PARD3: variants seen among roughly 807,000 people sequenced by gnomAD.
PARD3 encodes the protein par-3 family cell polarity regulator.
PARD3 carries 75 observed loss-of-function variants against 155.4 expected under a neutral mutation model. That is an observed-to-expected ratio of 0.48 (90% CI 0.40 to 0.58). The LOEUF is 0.58. Among genes scored for constraint, PARD3 ranks in the 20% least tolerant of loss-of-function variants. PARD3 has a pLI of 0.00. For synonymous variants in PARD3, 576 were observed against 610.5 expected, an observed-to-expected ratio of 0.94 and a Z score of 0.83; for missense variants, 1,642 against 1,721.7, an observed-to-expected ratio of 0.95 and a Z score of 0.82.
At chr10:34,501,162 C>A (rs1329090578) in intron 3 of PARD3, among the ~76,000 whole-genome samples, 1 of 152,074 alleles carries the variant, frequency 6.6e-6, no homozygotes, top group Admixed American at 6.6e-5. Context: ...TGCCCCCTGC[C>A]CAAATTTCAT....
At chr10:34,725,103 CTTTGTGTG>C (rs1199728237) in intron 1 of PARD3, among the ~76,000 whole-genome samples, 38 of 109,630 alleles carry the variant, frequency 3.5e-4, no homozygotes, top group African/African-American at 1.2e-3. Flanking sequence ...TGAGTCAAAA[CTTTGTGTG>C]TGTGTGTGTG....
intron 1 of PARD3, among the ~76,000 whole-genome samples, 193 bp downstream of exon 1, chr10:34,814,683 G>A (rs542071788): frequency 6.6e-6 from 1 of 151,808 alleles, no homozygotes; most frequent in Admixed American, 6.6e-5. Flanking sequence ...TGTCCCAGAG[G>A]CTGCGCCCCG....
At chr10:34,346,154 A>G in intron 15 of PARD3, 1 of 1,066,650 alleles carries the variant, frequency 9.4e-7, no homozygotes, top group Non-Finnish European at 1.1e-6. Flanking sequence ...TTAAGAGTTC[A>G]GTACATATCT....
At chr10:34,190,746 C>T (rs1212172842) in intron 22 of PARD3, among the ~76,000 whole-genome samples, 3 of 152,016 alleles carry the variant, frequency 2.0e-5, no homozygotes, top group African/African-American at 4.8e-5. Context: ...CAAAAGAGAG[C>T]GTGACAAATT....
At chr10:34,186,943 A>C (rs1270526671) in intron 22 of PARD3, among the ~76,000 whole-genome samples, 2 of 152,132 alleles carry the variant, frequency 1.3e-5, no homozygotes, top group African/African-American at 4.8e-5. Flanking sequence ...TGCCTACTGA[A>C]TTCGCTCCTC....
chr10:34,592,692 C>T (rs2088828189), intron 2 of PARD3, among the ~76,000 whole-genome samples: 1 of 152,224 alleles, frequency 6.6e-6, no homozygotes, highest in African/African-American at 2.4e-5. Flanking sequence ...AGGAGAATTG[C>T]TTGAACCCGG....
At chr10:34,576,978 T>C (rs111285174) in intron 2 of PARD3, among the ~76,000 whole-genome samples, 32 of 152,262 alleles carry the variant, frequency 2.1e-4, no homozygotes, top group Admixed American at 5.9e-4. Flanking sequence ...ACAGCACAGA[T>C]TGATAATTCC....
rs577992610 is a variant in PARD3 at position 34,402,831 on chromosome 10, G to A, written c.715-914C>T. On this transcript the variant is annotated intron_variant, in intron 5 of 24. Transcript: ENST00000374788. Reference sequence around the variant, plus strand: ...TCAAAAAGGTGCATGTGGAATAAACGTGGTAGTTCACAAAAATAAATGAAA... The same window carrying A: ...TCAAAAAGGTGCATGTGGAATAAACATGGTAGTTCACAAAAATAAATGAAA... Among the ~76,000 whole-genome samples the A allele has an allele frequency of 3.3e-5, 5 of 152,248 alleles. 1 individual carries two copies. The South Asian group carries it at 6.2e-4, about 19-fold the overall frequency.
At chr10:34,772,051 C>G (rs149196723) in intron 1 of PARD3, among the ~76,000 whole-genome samples, 7 of 152,194 alleles carry the variant, frequency 4.6e-5, no homozygotes, top group Non-Finnish European at 7.3e-5. Context: ...GCCCAACAAG[C>G]AGAATGCAAG....
At chr10:34,529,741 C>CTT (rs34318724) in intron 2 of PARD3, among the ~76,000 whole-genome samples, 112 of 149,872 alleles carry the variant, frequency 7.5e-4, no homozygotes, top group Admixed American at 3.5e-3. Context: ...TTTTACTTTA[C>CTT]TTTTTTTTTT....
Position 34,283,487 on chromosome 10 carries a change from G to A in PARD3, c.3176+648C>T, listed in dbSNP as rs77534166. Among the ~76,000 whole-genome samples the A allele has an allele frequency of 3.4e-3, 520 of 152,210 alleles. 1 individual carries two copies. The highest frequency in any genetic ancestry group is 5.8e-3 in the Non-Finnish European group (394 of 67,978). ...CTAATCACTTAGAAAAACGGTTTTCGAGTGCCTGCTTAGAGTAACTCTTTT... is the reference window on the plus strand; with the variant it reads ...CTAATCACTTAGAAAAACGGTTTTCAAGTGCCTGCTTAGAGTAACTCTTTT... On this transcript the variant is annotated intron_variant, in intron 21 of 24. Coordinates refer to ENST00000374788, the MANE Select transcript of PARD3 (RefSeq NM_001184785.2).
intron 19 of PARD3, among the ~76,000 whole-genome samples, chr10:34,322,132 G>A (rs912459822): frequency 1.3e-5 from 2 of 152,164 alleles, no homozygotes; most frequent in African/African-American, 4.8e-5. Context: ...TACCCCTGCA[G>A]ACTTGCCAGT....
At chr10:34,245,189 C>A (rs1195417738) in intron 22 of PARD3, among the ~76,000 whole-genome samples, 3 of 152,164 alleles carry the variant, frequency 2.0e-5, no homozygotes, top group African/African-American at 4.8e-5. Context: ...TTCATTCCAA[C>A]TAAAAGTACT....
At chr10:34,275,715 T>C (rs1209518267) in intron 21 of PARD3, among the ~76,000 whole-genome samples, 2 of 152,192 alleles carry the variant, frequency 1.3e-5, no homozygotes, top group Non-Finnish European at 2.9e-5. Flanking sequence ...ACATGTTTGG[T>C]GTCCTCATAA....
chr10:34,620,254 A>G (rs2091564993), intron 2 of PARD3, among the ~76,000 whole-genome samples: 1 of 151,620 alleles, frequency 6.6e-6, no homozygotes, highest in Non-Finnish European at 1.5e-5. Flanking sequence ...TATGACTCCT[A>G]CTCCTCCACT....
intron 2 of PARD3, among the ~76,000 whole-genome samples, chr10:34,680,572 GA>G (rs2093794140): frequency 1.4e-5 from 2 of 142,778 alleles, no homozygotes; most frequent in Non-Finnish European, 3.1e-5. Flanking sequence ...AAAAAAAAAT[GA>G]GGGGAGGGGA....
rs1402574291 is a variant in PARD3 at position 34,620,206 on chromosome 10, TA to T, written c.222+76111del. On this transcript the variant is annotated intron_variant, in intron 2 of 24. Transcript: ENST00000374788. Reference sequence around the variant, plus strand: ...TTCTTGCTCCCAAATGCCACCAATTTATTCAGAAGACATCACCCACCTCCCT... The same window carrying T: ...TTCTTGCTCCCAAATGCCACCAATTTTTCAGAAGACATCACCCACCTCCCT... 5.9e-5 allele frequency among the ~76,000 whole-genome samples: 9 copies of T among 152,314 alleles called. No homozygotes were observed. In the East Asian group the frequency reaches 1.4e-3, roughly 23 times the overall value.
At position 34,686,340 on chromosome 10, in the gene PARD3, T is replaced by C. The variant is rs1327935640; in HGVS notation, c.222+9978A>G. On this transcript the variant is annotated intron_variant, in intron 2 of 24. Coordinates refer to ENST00000374788, the MANE Select transcript of PARD3 (RefSeq NM_001184785.2). ...CTCAAGTTGCTTTTAATATTTTGTA[T>C]ATTTTAATGTTAAAGGAAACTGGCC... is the stretch of plus-strand genomic sequence containing the variant. Among the ~76,000 whole-genome samples, 4 of 152,204 alleles carry C rather than the reference T, an allele frequency of 2.6e-5. No individual in the cohort carries two copies. In the East Asian group the frequency reaches 5.8e-4, roughly 22 times the overall value.
At chr10:34,703,238 A>C (rs983069231) in intron 1 of PARD3, among the ~76,000 whole-genome samples, 1 of 151,874 alleles carries the variant, frequency 6.6e-6, no homozygotes, top group African/African-American at 2.4e-5. Flanking sequence ...AAACCATAAA[A>C]ATAAGTCAGG....
Sources: allele counts gnomAD v4.1 joint callset (sites outside exome capture counted in the v4.1 genomes callset), GRCh38; gene constraint gnomAD v4.1.1; transcripts MANE v1.5; gene names NCBI Gene and HGNC (gene_info 2026-07-23, HGNC 2026-07-21).